GUCY2F: variants seen among roughly 807,000 people sequenced by gnomAD.
GUCY2F encodes guanylate cyclase 2F, retinal, also known as retinal guanylyl cyclase 2.
GUCY2F carries 61 observed loss-of-function variants against 73.1 expected under a neutral mutation model. The observed-to-expected ratio is 0.83, with a 90% CI of 0.68 to 1.03. The LOEUF (loss-of-function observed/expected upper bound fraction) is 1.03, where lower values mean the gene tolerates loss of function less well. Among genes scored for constraint, GUCY2F ranks in the 50% least tolerant of loss-of-function variants. The pLI is 0.00. For synonymous variants in GUCY2F, 331 were observed against 307.8 expected (o/e 1.08, Z -0.79); for missense variants, 912 against 854.3 (o/e 1.07, Z -0.84).
chrX:109,408,321 T>C (rs776807653), intron 9 of GUCY2F, among the ~76,000 whole-genome samples: 27 of 112,563 alleles, frequency 2.4e-4, no homozygotes, highest in Non-Finnish European at 4.7e-4. Flanking sequence ...CCAATACCTT[T>C]ACCCCCATTG....
intron 7 of GUCY2F, among the ~76,000 whole-genome samples, chrX:109,432,304 C>G (rs938971608): frequency 3.6e-5 from 4 of 112,273 alleles, no homozygotes; most frequent in Admixed American, 1.9e-4. Flanking sequence ...TCATCAAAAT[C>G]TGCTCTCAGT....
intron 3 of GUCY2F, among the ~76,000 whole-genome samples, chrX:109,455,945 G>A (rs1932250003): frequency 8.9e-6 from 1 of 112,149 alleles, no homozygotes; most frequent in African/African-American, 3.2e-5. Context: ...GTCAGTCTAC[G>A]TTAATAGCTA....
At chrX:109,450,295 G>GT (rs900293822) in intron 5 of GUCY2F, among the ~76,000 whole-genome samples, 3 of 111,461 alleles carry the variant, frequency 2.7e-5, no homozygotes, top group Admixed American at 1.9e-4. Context: ...CCTCCCCACT[G>GT]TTTTTTTCTT....
intron 3 of GUCY2F, 142 bp downstream of exon 3, chrX:109,465,000 A>G: frequency 2.1e-6 from 1 of 467,701 alleles, no homozygotes; most frequent in African/African-American, 2.4e-5. Context: ...GTTTTCAGCA[A>G]ACTAAAGATG....
intron 12 of GUCY2F, 25 bp from the exon 13 acceptor site, chrX:109,393,080 C>A (rs1930609873): frequency 1.2e-6 from 1 of 866,782 alleles, no homozygotes; most frequent in South Asian, 2.2e-5. Flanking sequence ...GAAAAGGGAA[C>A]CAGAAAATGC....
chrX:109,435,555 C>T (rs1364328944), intron 7 of GUCY2F, among the ~76,000 whole-genome samples: 1 of 110,598 alleles, frequency 9.0e-6, no homozygotes, highest in African/African-American at 3.3e-5. Context: ...TCTAGATATA[C>T]AATCATGCCG....
At chrX:109,437,784 C>A (rs751491559) in intron 7 of GUCY2F, among the ~76,000 whole-genome samples, 32 of 112,770 alleles carry the variant, frequency 2.8e-4, no homozygotes, top group African/African-American at 1.0e-3. Context: ...CAGATAAAAA[C>A]CAAGGTTATG....
chrX:109,376,277 C>T, intron 17 of GUCY2F, 110 bp from the exon 18 acceptor site: 10 of 527,188 alleles, frequency 1.9e-5, no homozygotes, highest in Non-Finnish European at 2.6e-5. Context: ...TGGAGTCTTC[C>T]TCCCTACGGG....
rs369901976 is a variant in GUCY2F, at chrX:109,413,886, A to G, written c.1792-4718T>C. Among the ~76,000 whole-genome samples the G allele has an allele frequency of 1.4e-4, 16 of 111,568 alleles. No homozygotes were observed. The South Asian group carries it at 1.9e-3, about 13-fold the overall frequency. On this transcript the variant is annotated intron_variant, in intron 8 of 19. Coordinates refer to ENST00000218006, the MANE Select transcript of GUCY2F (RefSeq NM_001522.3). ...CCTTTATGAAAATGTCATTCTCCAC[A>G]TAAGTGCTCACCCGCAGCTATATCA...
In GUCY2F at chrX:109,408,910, T is replaced by A. The variant is rs1173715495; in HGVS notation, c.1968+82A>T. 4 of 531,652 alleles carry A rather than the reference T, an allele frequency of 7.5e-6. No homozygotes were observed. The African/African-American group carries it at 9.3e-5, about 12-fold the overall frequency. 43.8% of individuals were successfully genotyped at this position (531,652 alleles called of 1,213,427 possible). ...GTAAGGAGTGAAATGATCACAACAA[T>A]CTGAGGAAAATAAAATATCCCAAAA... On this transcript the variant is annotated intron_variant, in intron 9 of 19. Coordinates refer to ENST00000218006, the MANE Select transcript of GUCY2F (RefSeq NM_001522.3).
Position 109,392,923 on chromosome X carries a change from T to A in GUCY2F, c.2557A>T (p.Thr853Ser), listed in dbSNP as rs2147254309. Reference sequence around the variant, plus strand: ...AGCATCTGTGTTAGAAGCTTTTCCGTTTTCTGTTTTTCAATTTCCAGCTCT... The same window carrying A: ...AGCATCTGTGTTAGAAGCTTTTCCGATTTCTGTTTTTCAATTTCCAGCTCT... ...TEELEIEKQKTEKLLTQMLPP... is the reference protein window; with the variant it reads ...TEELEIEKQKSEKLLTQMLPP... The change falls in exon 13 of 20, where the codon ACG (threonine) becomes TCG (serine). Residue 853 changes from threonine to serine, a missense_variant. By Grantham distance (58) the Thr-to-Ser change is moderately conservative. Transcript: ENST00000218006. The A allele has an allele frequency of 8.4e-7, 1 of 1,188,873 alleles. No homozygotes were observed. Among genetic ancestry groups the A allele is most frequent in the East Asian group, 3.0e-5 (1 of 33,667 alleles).
chrX:109,405,424 G>A (rs1358936749), intron 9 of GUCY2F, among the ~76,000 whole-genome samples: 3 of 112,064 alleles, frequency 2.7e-5, no homozygotes, highest in Non-Finnish European at 3.8e-5. Flanking sequence ...GTCTAGTGCC[G>A]ATCTCTGCAC....
At chrX:109,374,625 A>G (rs1472989717) in intron 19 of GUCY2F, among the ~76,000 whole-genome samples, 3 of 106,749 alleles carry the variant, frequency 2.8e-5, no homozygotes, top group African/African-American at 1.0e-4. Flanking sequence ...TTTCCTACAG[A>G]GAGAGAGAGA....
At chrX:109,437,512 A>G (rs1488882822) in intron 7 of GUCY2F, among the ~76,000 whole-genome samples, 1 of 112,796 alleles carries the variant, frequency 8.9e-6, no homozygotes, top group Admixed American at 9.4e-5. Flanking sequence ...ACCACAATTT[A>G]ACACATAAAT....
At position 109,465,394 on chromosome X, in the gene GUCY2F, C is replaced by A. The variant is rs1403794188; in HGVS notation, c.780G>T (p.Met260Ile). ...GATCATGAGCACATTCCAAGAGATG[C>A]ATCTGAGTCTCTCCCCCAATCAAAG... is the stretch of plus-strand genomic sequence containing the variant. ...HSALIGGETQ[M>I]HLLECAHDLK... The change falls in exon 3 of 20, where the codon ATG (methionine) becomes ATT (isoleucine). Residue 260 changes from methionine to isoleucine, a missense_variant. Met to Ile is a conservative substitution (Grantham distance 10). Transcript: ENST00000218006. 8.3e-7 allele frequency: 1 copy of A among 1,202,103 alleles called. No homozygotes were observed. Among genetic ancestry groups the A allele is most frequent in the Admixed American group, 2.2e-5 (1 of 45,940 alleles).
intron 2 of GUCY2F, among the ~76,000 whole-genome samples, chrX:109,472,748 T>C (rs1204331820): frequency 8.9e-6 from 1 of 112,327 alleles, no homozygotes; most frequent in Non-Finnish European, 1.9e-5. Context: ...TTAGGCCACT[T>C]AGCTAAAGCT....
chrX:109,461,714 T>G (rs952342526), intron 3 of GUCY2F, among the ~76,000 whole-genome samples: 4 of 112,441 alleles, frequency 3.6e-5, no homozygotes, highest in Middle Eastern at 4.6e-3. Flanking sequence ...ATGCCTGATT[T>G]CAAGCTACCA....
chrX:109,388,661 T>C lies in GUCY2F; in HGVS notation c.2784A>G (p.Val928=), dbSNP rs56252179. The C allele has an allele frequency of 1.4e-4, 160 of 1,164,452 alleles. 1 individual carries two copies. The East Asian group carries it at 4.6e-3, about 33-fold the overall frequency. Residue 928 remains valine (V), a splice_region_variant and synonymous_variant, in exon 15 of 20, where the codon GTA becomes GTG. Coordinates refer to ENST00000218006, the MANE Select transcript of GUCY2F (RefSeq NM_001522.3). ...CCATGTAGGCATCTCCAATGGTCTC[T>C]ACCTGGGAATTAGGAAAAATAGAAT... ...AIIGSHDVYK[V]ETIGDAYMVA...
intron 3 of GUCY2F, among the ~76,000 whole-genome samples, chrX:109,454,774 G>T (rs181505193): frequency 9.0e-6 from 1 of 110,611 alleles, no homozygotes; most frequent in Non-Finnish European, 1.9e-5. Flanking sequence ...TACCTCCCCC[G>T]ACATGGCCCC....
Sources: allele counts gnomAD v4.1 joint callset (sites outside exome capture counted in the v4.1 genomes callset), GRCh38; gene constraint gnomAD v4.1.1; transcripts MANE v1.5; gene names NCBI Gene and HGNC (gene_info 2026-07-23, HGNC 2026-07-21).